The following PRH1 variants were observed in gnomAD, a reference collection of about 807,000 sequenced individuals.
PRH1 encodes salivary acidic proline-rich phosphoprotein 1/2.
A neutral mutation model predicts 7.9 loss-of-function variants in PRH1; 7 were observed. The observed-to-expected ratio is 0.89, with a 90% CI of 0.50 to 1.67. The LOEUF (loss-of-function observed/expected upper bound fraction) is 1.67, where lower values mean the gene tolerates loss of function less well. PRH1 is among the 40% of genes most tolerant of loss of function. The pLI is 0.00. For missense variants in PRH1, 109 were observed against 223.6 expected (o/e 0.49, Z 3.27); for synonymous variants, 45 against 80.8 (o/e 0.56, Z 2.38).
chr12:11,113,819 A>T (rs1426440702), intron 1 of PRH1, among the ~76,000 whole-genome samples: 1 of 152,220 alleles, frequency 6.6e-6, no homozygotes, highest in Non-Finnish European at 1.5e-5. Context: ...TATTAAACAA[A>T]CAACCCCATC....
At chr12:10,949,283 A>AGT (rs1232557506) in intron 2 of PRH1, among the ~76,000 whole-genome samples, 1 of 152,166 alleles carries the variant, frequency 6.6e-6, no homozygotes, top group Non-Finnish European at 1.5e-5. Flanking sequence ...GACCCATGGA[A>AGT]GTCTAACTGG....
chr12:11,092,249 A>T lies in PRH1; in HGVS notation n.124-45061T>A, dbSNP rs769001219. 23 of 1,243,060 alleles carry T rather than the reference A, an allele frequency of 1.9e-5. 1 individual carries two copies. The highest frequency in any genetic ancestry group is 8.3e-5 in the South Asian group (7 of 84,464). The allele number at this position is 1,243,060 out of a possible 1,614,324, so 77.0% of individuals were successfully genotyped here. A position where few individuals can be genotyped will look rare whatever the true frequency, so the allele number is the denominator to read the frequency against. ...TATCATGTCTGAACAGACAAAAAAA[A>T]TTTTTTTAAATGCTGGTGTTGTGTC... On this transcript the variant is annotated intron_variant and non_coding_transcript_variant, in intron 1 of 4. Coordinates refer to the PRH1 transcript ENST00000541977.
intron 1 of PRH1, among the ~76,000 whole-genome samples, chr12:11,164,943 C>T: frequency 6.6e-6 from 1 of 152,152 alleles, no homozygotes; most frequent in Non-Finnish European, 1.5e-5. Context: ...CATTCTACCT[C>T]AGGCCTTTGG....
At chr12:10,881,451 T>A (rs1371825491) in intron 3 of PRH1, among the ~76,000 whole-genome samples, 1 of 152,172 alleles carries the variant, frequency 6.6e-6, no homozygotes, top group African/African-American at 2.4e-5. Flanking sequence ...TAGAATAGTA[T>A]ACAATTGTAA....
At chr12:11,069,166 C>T (rs1328104154) in intron 1 of PRH1, among the ~76,000 whole-genome samples, 1 of 150,546 alleles carries the variant, frequency 6.6e-6, no homozygotes, top group African/African-American at 2.4e-5. Context: ...AATCTGTCTA[C>T]CTAAACCTCC....
intron 2 of PRH1, among the ~76,000 whole-genome samples, chr12:10,939,724 C>A (rs528835414): frequency 1.3e-5 from 2 of 151,954 alleles, no homozygotes; most frequent in African/African-American, 4.8e-5. Context: ...TTTACAGAAC[C>A]TCAGTTAGAC....
intron 2 of PRH1, among the ~76,000 whole-genome samples, chr12:10,951,490 T>C (rs532876280): frequency 3.3e-5 from 5 of 152,284 alleles, no homozygotes. Context: ...CACATATACA[T>C]ATACCCCACA....
chr12:11,027,387 T>C (rs3889444), intron 1 of PRH1, among the ~76,000 whole-genome samples: 53,907 of 145,170 alleles, frequency 0.37, 4,488 homozygotes, highest in Non-Finnish European at 0.42. Context: ...AGAAAAGAAA[T>C]CAACCTGAGA....
At chr12:11,061,273 A>G in intron 1 of PRH1, 2 of 1,512,360 alleles carry the variant, frequency 1.3e-6, no homozygotes, top group South Asian at 2.7e-5. Context: ...ATTCATATAC[A>G]TACATTACAG....
At chr12:11,074,858 T>C (rs1944231205) in intron 1 of PRH1, among the ~76,000 whole-genome samples, 1 of 136,026 alleles carries the variant, frequency 7.4e-6, no homozygotes, top group Admixed American at 7.4e-5. Flanking sequence ...TGGACTAATA[T>C]TTGCTGTGGT....
chr12:11,080,106 T>C (rs1292823888), intron 1 of PRH1, among the ~76,000 whole-genome samples: 25 of 137,144 alleles, frequency 1.8e-4, no homozygotes, highest in African/African-American at 6.2e-4. Flanking sequence ...ATATCTCCTG[T>C]GATAAGCAAC....
At chr12:11,046,581 C>G (rs1234189674) in intron 1 of PRH1, among the ~76,000 whole-genome samples, 1 of 152,130 alleles carries the variant, frequency 6.6e-6, no homozygotes, top group African/African-American at 2.4e-5. Context: ...AGGAAACTCA[C>G]TCCTTGCTAT....
At chr12:11,030,847 A>G in intron 1 of PRH1, 20 of 1,614,184 alleles carry the variant, frequency 1.2e-5, no homozygotes, top group Non-Finnish European at 1.7e-5. Flanking sequence ...TGATCTTCCA[A>G]GTCAAGTTTC....
intron 2 of PRH1, chr12:10,895,000 G>C (rs2135799148): frequency 6.6e-6 from 1 of 152,256 alleles, no homozygotes; most frequent in Non-Finnish European, 1.5e-5. Context: ...TCAGGACACA[G>C]AGAGAAGCTT....
intron 1 of PRH1, among the ~76,000 whole-genome samples, chr12:11,053,352 C>T (rs1293557479): frequency 6.6e-6 from 1 of 152,182 alleles, no homozygotes; most frequent in African/African-American, 2.4e-5. Context: ...CCCTAAAATC[C>T]TCTCTTTAGA....
Position 10,997,431 on chromosome 12 carries a change from T to A in PRH1, c.-125-23710A>T, listed in dbSNP as rs145545406. The A allele has an allele frequency of 2.9e-5, 47 of 1,613,946 alleles. No homozygotes were observed. The highest frequency in any genetic ancestry group is 4.0e-5 in the Non-Finnish European group (47 of 1,179,988). On this transcript the variant is annotated intron_variant, in intron 1 of 3. Transcript: ENST00000539853. ...TCTTCTGTCCACACATTTATATACG[T>A]GTGTTTCATCACAAGGTGACAAACC...
chr12:10,884,803 C>T (rs1017529491), upstream of PRH1, among the ~76,000 whole-genome samples: 2 of 152,120 alleles, frequency 1.3e-5, no homozygotes, highest in African/African-American at 4.8e-5. Flanking sequence ...ACAGCACACT[C>T]CCAGGCACAC....
At chr12:11,076,029 G>T (rs1057006642) in intron 1 of PRH1, among the ~76,000 whole-genome samples, 1 of 83,560 alleles carries the variant, frequency 1.2e-5, no homozygotes, top group Non-Finnish European at 3.0e-5. Flanking sequence ...AATAAAATGT[G>T]TGTGTATATA....
chr12:10,906,708 C>T (rs769081817), intron 2 of PRH1, among the ~76,000 whole-genome samples: 1 of 152,166 alleles, frequency 6.6e-6, no homozygotes, highest in South Asian at 2.1e-4. Context: ...TTCACTGCCA[C>T]CATGTAAGAC....
Sources: allele counts gnomAD v4.1 joint callset (sites outside exome capture counted in the v4.1 genomes callset), GRCh38; gene constraint gnomAD v4.1.1; transcripts MANE v1.5; gene names NCBI Gene and HGNC (gene_info 2026-07-23, HGNC 2026-07-21).